Variants in KIF26B observed in about 807,000 individuals in gnomAD.
The protein encoded by KIF26B is kinesin family member 26B.
Under a neutral mutation model 151.2 loss-of-function variants are expected in KIF26B, and 63 were observed. That is an observed-to-expected ratio of 0.42 (90% CI 0.34 to 0.51). The LOEUF (loss-of-function observed/expected upper bound fraction) is 0.51. Among genes scored for constraint, KIF26B ranks in the 20% least tolerant of loss-of-function variants. The pLI is 0.07. For synonymous variants in KIF26B, 1,357 were observed against 1,262.1 expected, an observed-to-expected ratio of 1.08 and a Z score of -1.59; for missense variants, 2,813 against 2,913.6, an observed-to-expected ratio of 0.97 and a Z score of 0.79.
At chr1:245,391,469 A>T (rs933876694) in intron 3 of KIF26B, among the ~76,000 whole-genome samples, 1 of 152,186 alleles carries the variant, frequency 6.6e-6, no homozygotes, top group Non-Finnish European at 1.5e-5. Context: ...CATAAGCCAC[A>T]TAACCAAAAT....
At position 245,510,666 on chromosome 1, in the gene KIF26B, C is replaced by CCTCCCTCCCTCCCTCT. The variant is rs1660814883; in HGVS notation, c.1167-30097_1167-30082dup. Among the ~76,000 whole-genome samples the CCTCCCTCCCTCCCTCT allele has an allele frequency of 2.1e-5, 3 of 143,500 alleles. No homozygotes were observed. The East Asian group carries it at 7.0e-4, about 33-fold the overall frequency. 94.1% of individuals were successfully genotyped at this position (143,500 alleles called of 152,430 possible). On this transcript the variant is annotated intron_variant, in intron 4 of 14. Transcript: ENST00000407071. ...CCCTGCCTGCCTGCCTCTGCCCCTC[C>CCTCCCTCCCTCCCTCT]CTCCCTCCCTCCCTCTCTCTCTCTG... is the stretch of plus-strand genomic sequence containing the variant.
At chr1:245,514,452 C>A (rs775817379) in intron 4 of KIF26B, among the ~76,000 whole-genome samples, 1 of 151,968 alleles carries the variant, frequency 6.6e-6, no homozygotes, top group Non-Finnish European at 1.5e-5. Flanking sequence ...TCGCTTGAAC[C>A]CAGAAGGAAG....
chr1:245,256,150 T>C (rs1343332903), intron 2 of KIF26B, among the ~76,000 whole-genome samples: 2 of 152,188 alleles, frequency 1.3e-5, no homozygotes, highest in Non-Finnish European at 2.9e-5. Context: ...AACAAGCTAT[T>C]TGACGTCTCA....
At chr1:245,442,549 TTCTCAGGCAAAATC>T (rs2103047841) in intron 4 of KIF26B, among the ~76,000 whole-genome samples, 1 of 152,230 alleles carries the variant, frequency 6.6e-6, no homozygotes, top group African/African-American at 2.4e-5. Context: ...GATGAGTCCT[TTCTCAGGCAAAATC>T]CGGTGGACAG....
chr1:245,380,252 A>G (rs1306393848), intron 3 of KIF26B, among the ~76,000 whole-genome samples: 5 of 152,208 alleles, frequency 3.3e-5, no homozygotes, highest in Non-Finnish European at 7.3e-5. Flanking sequence ...GAGTTAACAT[A>G]TCCCTCCATT....
intron 4 of KIF26B, among the ~76,000 whole-genome samples, chr1:245,439,599 A>G (rs1050730060): frequency 1.2e-4 from 18 of 152,218 alleles, no homozygotes; most frequent in Non-Finnish European, 2.5e-4. Context: ...ATTGGTACAC[A>G]AATCTAAATT....
intron 4 of KIF26B, among the ~76,000 whole-genome samples, chr1:245,420,645 G>A (rs1260719591): frequency 6.6e-6 from 1 of 152,234 alleles, no homozygotes; most frequent in African/African-American, 2.4e-5. Context: ...GACCTTTTGG[G>A]TTCCAGTTGC....
Position 245,465,268 on chromosome 1 carries a change from G to A in KIF26B, c.1166+45523G>A, listed in dbSNP as rs546073236. Among the ~76,000 whole-genome samples the A allele has an allele frequency of 1.5e-4, 23 of 152,262 alleles. No individual in the cohort carries two copies. The East Asian group carries it at 3.1e-3, about 21-fold the overall frequency. On this transcript the variant is annotated intron_variant, in intron 4 of 14. Transcript: ENST00000407071. ...GCTGGGATCACAGGCGTGAGCCACCGCGCCCGGACCCATTGCCTCATTTCT... is the reference window on the plus strand; with the variant it reads ...GCTGGGATCACAGGCGTGAGCCACCACGCCCGGACCCATTGCCTCATTTCT...
intron 3 of KIF26B, among the ~76,000 whole-genome samples, chr1:245,404,832 C>A (rs776235042): frequency 3.9e-5 from 6 of 152,120 alleles, no homozygotes; most frequent in Non-Finnish European, 8.8e-5. Flanking sequence ...ATTGTATAGA[C>A]CTCAAGAAAT....
intron 2 of KIF26B, among the ~76,000 whole-genome samples, chr1:245,172,329 C>T (rs543950721): frequency 3.4e-4 from 52 of 152,234 alleles, no homozygotes; most frequent in African/African-American, 1.2e-3. Context: ...TTACAGGCCC[C>T]GCCTAAGAAG....
intron 2 of KIF26B, among the ~76,000 whole-genome samples, chr1:245,188,281 C>CA (rs10661723): frequency 0.11 from 8,648 of 79,506 alleles, 755 homozygotes; most frequent in Middle Eastern, 0.12. Context: ...ACTCCATCTC[C>CA]AAAAAAAAAA....
intron 2 of KIF26B, among the ~76,000 whole-genome samples, chr1:245,363,441 C>A (rs1328218000): frequency 6.6e-6 from 1 of 152,182 alleles, no homozygotes; most frequent in Non-Finnish European, 1.5e-5. Flanking sequence ...GGTAATCCAC[C>A]CACCTCAGCC....
chr1:245,364,130 A>G (rs1672884217), intron 2 of KIF26B, among the ~76,000 whole-genome samples: 1 of 152,212 alleles, frequency 6.6e-6, no homozygotes, highest in South Asian at 2.1e-4. Flanking sequence ...ATGCACCCTC[A>G]GACCCCCAGC....
At chr1:245,532,348 C>T (rs555514769) in intron 4 of KIF26B, among the ~76,000 whole-genome samples, 2 of 150,502 alleles carry the variant, frequency 1.3e-5, no homozygotes, top group African/African-American at 2.4e-5. Flanking sequence ...CGGGTTCACG[C>T]CATTCTCCTG....
chr1:245,542,801 C>T (rs1488297098), intron 5 of KIF26B, among the ~76,000 whole-genome samples: 2 of 152,186 alleles, frequency 1.3e-5, no homozygotes, highest in Non-Finnish European at 2.9e-5. Context: ...TTTAAGTGTA[C>T]ATGGGCTCTT....
chr1:245,677,892 G>A (rs190267367), intron 10 of KIF26B, among the ~76,000 whole-genome samples: 3 of 152,258 alleles, frequency 2.0e-5, no homozygotes, highest in Admixed American at 2.0e-4. Context: ...ACCCTTTGGG[G>A]CAGAATTGCC....
At chr1:245,184,271 TAG>T (rs1668964840) in intron 2 of KIF26B, among the ~76,000 whole-genome samples, 1 of 151,790 alleles carries the variant, frequency 6.6e-6, no homozygotes. Context: ...AATTGAATGG[TAG>T]AGTGTCAAGG....
rs76210272 is a variant in KIF26B, at chr1:245,524,272, C to T, written c.1167-16495C>T. 5.3e-5 allele frequency among the ~76,000 whole-genome samples: 8 copies of T among 152,304 alleles called. No individual in the cohort carries two copies. In the East Asian group the frequency reaches 1.5e-3, roughly 29 times the overall value. The stretch of plus-strand genomic sequence containing the variant: ...TTGGCCACTTTCCCATACCTTACGC[C>T]CTTTATTCTCACAACAGACCCTTGA... On this transcript the variant is annotated intron_variant, in intron 4 of 14. Coordinates refer to ENST00000407071, the MANE Select transcript of KIF26B (RefSeq NM_018012.4).
intron 3 of KIF26B, chr1:245,370,659 A>G (rs1673093657): frequency 2.2e-6 from 1 of 455,900 alleles, no homozygotes; most frequent in African/African-American, 2.0e-5. Flanking sequence ...AGGACAGAGG[A>G]GCATGAAACT....
Sources: allele counts gnomAD v4.1 joint callset (sites outside exome capture counted in the v4.1 genomes callset), GRCh38; gene constraint gnomAD v4.1.1; transcripts MANE v1.5; gene names NCBI Gene and HGNC (gene_info 2026-07-23, HGNC 2026-07-21).